MMS19: variants seen among roughly 807,000 people sequenced by gnomAD.
MMS19 encodes MMS19 nucleotide excision repair protein homolog.
Under a neutral mutation model 129.8 loss-of-function variants are expected in MMS19, and 77 were observed. The observed-to-expected ratio is 0.59, with a 90% CI of 0.49 to 0.72. The LOEUF (loss-of-function observed/expected upper bound fraction) is 0.72, where lower values mean the gene tolerates loss of function less well. MMS19 is among the 30% of genes least tolerant of loss of function. The pLI, the probability that MMS19 is intolerant of heterozygous loss-of-function variation, is 0.00. For missense variants in MMS19, 1,168 were observed against 1,266.3 expected (o/e 0.92, Z 1.18); for synonymous variants, 491 against 502.8 (o/e 0.98, Z 0.31).
chr10:97,480,175 G>C, intron 3 of MMS19: 2 of 411,932 alleles, frequency 4.9e-6, no homozygotes, highest in South Asian at 3.6e-5. Flanking sequence ...GACATGCCTA[G>C]TCAAACCAAT....
chr10:97,465,871 T>C lies in MMS19; in HGVS notation c.1690A>G (p.Thr564Ala), dbSNP rs1264523527. ...GTCTCCTTGACGATGCTGGGATGTG[T>C]TGATACAGCTGACAAGGCTTGCAGA... The part of the protein sequence containing the change: ...CCLQALSAVS[T>A]HPSIVKETLP... Residue 564 changes from threonine (T) to alanine (A), a missense_variant, in exon 18 of 31, where the codon ACA becomes GCA. Physicochemically the swap from Thr to Ala is moderately conservative, Grantham distance 58. Coordinates refer to ENST00000438925, the MANE Select transcript of MMS19 (RefSeq NM_022362.5). 1 of 1,613,862 alleles carries C rather than the reference T, an allele frequency of 6.2e-7. No individual in the cohort carries two copies. The highest frequency in any genetic ancestry group is 1.3e-5 in the African/African-American group (1 of 74,942).
chr10:97,497,307 C>T (rs765142526), intron 1 of MMS19, among the ~76,000 whole-genome samples: 1 of 152,152 alleles, frequency 6.6e-6, no homozygotes, highest in Non-Finnish European at 1.5e-5. Flanking sequence ...ATACTGCTAA[C>T]GAACAAAGTA....
intron 9 of MMS19, 92 bp downstream of exon 9, chr10:97,470,683 T>C: frequency 7.8e-6 from 6 of 767,820 alleles, no homozygotes; most frequent in East Asian, 2.7e-5. Flanking sequence ...CTAAAATGTA[T>C]ACCAGATATT....
At chr10:97,483,064 T>C (rs1182656900) in intron 2 of MMS19, among the ~76,000 whole-genome samples, 2 of 151,664 alleles carry the variant, frequency 1.3e-5, no homozygotes, top group Non-Finnish European at 2.9e-5. Context: ...CTGGCCTATA[T>C]ATATTTTTTG....
At chr10:97,491,804 A>G (rs2038937052) in intron 1 of MMS19, among the ~76,000 whole-genome samples, 2 of 152,196 alleles carry the variant, frequency 1.3e-5, no homozygotes, top group African/African-American at 4.8e-5. Context: ...TAGTCTTCAT[A>G]TAGCTTTCAC....
intron 8 of MMS19, among the ~76,000 whole-genome samples, chr10:97,475,202 T>C (rs2035511033): frequency 7.6e-6 from 1 of 131,922 alleles, no homozygotes; most frequent in South Asian, 2.4e-4. Flanking sequence ...AAAAGCAAAG[T>C]ACAGGAGAAG....
intron 3 of MMS19, among the ~76,000 whole-genome samples, chr10:97,478,932 C>T (rs767004076): frequency 1.6e-4 from 24 of 151,988 alleles, no homozygotes; most frequent in Non-Finnish European, 2.6e-4. Context: ...ACATATACCC[C>T]CAAACAGGCT....
intron 1 of MMS19, among the ~76,000 whole-genome samples, chr10:97,496,340 A>G (rs1476221098): frequency 9.2e-5 from 14 of 151,806 alleles, no homozygotes; most frequent in Admixed American, 9.2e-4. Context: ...ACATGGTGAA[A>G]CCTCGTCACT....
intron 8 of MMS19, among the ~76,000 whole-genome samples, chr10:97,472,735 G>A (rs987365725): frequency 2.6e-5 from 4 of 151,300 alleles, no homozygotes; most frequent in Non-Finnish European, 4.4e-5. Context: ...TCCACCTCCC[G>A]AGTAGCAGGG....
intron 1 of MMS19, among the ~76,000 whole-genome samples, chr10:97,495,817 T>C (rs1328282869): frequency 6.6e-6 from 1 of 152,286 alleles, no homozygotes; most frequent in African/African-American, 2.4e-5. Flanking sequence ...AGTCTCGCTC[T>C]GTTGCCCAGG....
chr10:97,480,065 C>T (rs559826918), intron 3 of MMS19, among the ~76,000 whole-genome samples: 14 of 152,286 alleles, frequency 9.2e-5, no homozygotes, highest in African/African-American at 2.9e-4. Flanking sequence ...AACATGGCTG[C>T]CCCCATGTAT....
chr10:97,485,006 C>G lies in MMS19; in HGVS notation c.113-855G>C, dbSNP rs1372421346. On this transcript the variant is annotated intron_variant, in intron 1 of 30. Coordinates refer to ENST00000438925, the MANE Select transcript of MMS19 (RefSeq NM_022362.5). Reference sequence around the variant, plus strand: ...ATGTTGCTGGTCTTGAACTCATGGGCTCAAATGATCCTCCCATCTCAGTCT... The same window carrying G: ...ATGTTGCTGGTCTTGAACTCATGGGGTCAAATGATCCTCCCATCTCAGTCT... Among the ~76,000 whole-genome samples, 6 of 152,184 alleles carry G rather than the reference C, an allele frequency of 3.9e-5. No individual in the cohort carries two copies. The South Asian group carries it at 1.2e-3, about 32-fold the overall frequency.
chr10:97,485,051 A>G (rs1418317511), intron 1 of MMS19, among the ~76,000 whole-genome samples: 1 of 152,230 alleles, frequency 6.6e-6, no homozygotes, highest in Non-Finnish European at 1.5e-5. Flanking sequence ...CTGGGATTAC[A>G]GATGTGAGCC....
At chr10:97,489,627 A>C (rs1483925591) in intron 1 of MMS19, among the ~76,000 whole-genome samples, 2 of 152,228 alleles carry the variant, frequency 1.3e-5, no homozygotes, top group South Asian at 2.1e-4. Flanking sequence ...CACTAATGCC[A>C]AATTTCTGTT....
chr10:97,498,250 G>A, intron 1 of MMS19, 23 bp downstream of exon 1: 1 of 1,533,748 alleles, frequency 6.5e-7, no homozygotes, highest in Non-Finnish European at 8.7e-7. Context: ...CATGCGGAAG[G>A]CGCGCGGCGC....
At chr10:97,480,312 A>T (rs1334627149) in intron 3 of MMS19, 1 of 460,856 alleles carries the variant, frequency 2.2e-6, no homozygotes, top group Non-Finnish European at 4.4e-6. Context: ...TGTACAGGGG[A>T]GCTTCTTCCT....
chr10:97,474,132 C>CAA (rs780173105), intron 8 of MMS19, among the ~76,000 whole-genome samples: 24 of 57,224 alleles, frequency 4.2e-4, no homozygotes, highest in African/African-American at 6.5e-4. Context: ...CAGCCTGCCT[C>CAA]AAAAAAAAAA....
At chr10:97,461,450 G>T in intron 23 of MMS19, 46 bp downstream of exon 23, 1 of 1,594,602 alleles carries the variant, frequency 6.3e-7, no homozygotes, top group South Asian at 1.1e-5. Context: ...AAGATTTCAT[G>T]GGTAGTTGAT....
Position 97,469,094 on chromosome 10 carries a change from GTC to G in MMS19, c.933_934del (p.Gln311HisfsTer4). ...CTCTGCCTCCACCCGCTCACTTGCC[GTC>G]TGGAACACCTGTCAGGGAGGGATCC... On this transcript the variant is annotated frameshift_variant, in exon 12 of 31. Transcript: ENST00000438925. LOFTEE classifies it high-confidence loss of function. 2 of 1,577,474 alleles carry G rather than the reference GTC, an allele frequency of 1.3e-6. No homozygotes were observed. Among genetic ancestry groups the G allele is most frequent in the Non-Finnish European group, 8.6e-7 (1 of 1,164,940 alleles).
Sources: allele counts gnomAD v4.1 joint callset (sites outside exome capture counted in the v4.1 genomes callset), GRCh38; gene constraint gnomAD v4.1.1; transcripts MANE v1.5; gene names NCBI Gene and HGNC (gene_info 2026-07-23, HGNC 2026-07-21).